DDX6: variants seen among roughly 807,000 people sequenced by gnomAD.
The protein encoded by DDX6 is probable ATP-dependent RNA helicase DDX6.
In DDX6, 7 loss-of-function variants were observed where a neutral mutation model predicts 60.6. The observed-to-expected ratio is 0.12, with a 90% confidence interval of 0.07 to 0.22. The LOEUF (loss-of-function observed/expected upper bound fraction) is 0.22, where lower values mean the gene tolerates loss of function less well. Ranked by LOEUF, DDX6 falls within the 10% of genes least tolerant of loss-of-function variation. The pLI is 1.00. For missense variants in DDX6, 270 were observed against 589.9 expected, an observed-to-expected ratio of 0.46 and a Z score of 5.62; for synonymous variants, 207 against 201.0, an observed-to-expected ratio of 1.03 and a Z score of -0.25.
rs1225434162 is a variant in DDX6 at position 118,748,565 on chromosome 11, CAAATT to C, written c.*3535_*3539del. 6 of 151,886 alleles carry C rather than the reference CAAATT, an allele frequency of 4.0e-5. No homozygotes were observed. Among genetic ancestry groups the C allele is most frequent in the Non-Finnish European group, 7.4e-5 (5 of 67,946 alleles). 9.4% of individuals were successfully genotyped at this position (151,886 alleles called of 1,614,324 possible). A position where few individuals can be genotyped will look rare whatever the true frequency, so the allele number is the denominator to read the frequency against. On this transcript the variant is annotated 3_prime_UTR_variant, in exon 14 of 14. Transcript: ENST00000534980. Reference sequence around the variant, plus strand: ...ATACCTAGAACATTGAAAAAAATAGCAAATTAAAATAAATGGCTTAATTTCCAAGA... The same window carrying C: ...ATACCTAGAACATTGAAAAAAATAGCAAAATAAATGGCTTAATTTCCAAGA...
intron 5 of DDX6, among the ~76,000 whole-genome samples, chr11:118,767,232 C>T (rs1429545898): frequency 6.6e-6 from 1 of 152,136 alleles, no homozygotes; most frequent in African/African-American, 2.4e-5. Context: ...GAGTTCGCAA[C>T]TATTAGCTCA....
At chr11:118,756,628 G>T (rs1173395276) in intron 10 of DDX6, among the ~76,000 whole-genome samples, 1 of 151,936 alleles carries the variant, frequency 6.6e-6, no homozygotes, top group Non-Finnish European at 1.5e-5. Context: ...AAACAGTAAA[G>T]AAAAAAAGAA....
chr11:118,769,003 A>AAAT (rs1861447154), intron 4 of DDX6, among the ~76,000 whole-genome samples: 1 of 149,450 alleles, frequency 6.7e-6, no homozygotes, highest in Non-Finnish European at 1.5e-5. Flanking sequence ...AAAAAAAAAA[A>AAAT]AAAAAAGGCT....
chr11:118,774,444 G>A (rs1189532008), intron 4 of DDX6, among the ~76,000 whole-genome samples: 2 of 148,922 alleles, frequency 1.3e-5, no homozygotes, highest in African/African-American at 4.9e-5. Flanking sequence ...ATAATTTTAA[G>A]TGCCTAATTC....
At chr11:118,790,643 G>T (rs1199092875) in intron 1 of DDX6, among the ~76,000 whole-genome samples, 4 of 151,852 alleles carry the variant, frequency 2.6e-5, no homozygotes, top group African/African-American at 9.7e-5. Context: ...AAGCTACTCC[G>T]AGTACTTAGC....
chr11:118,768,268 T>C lies in DDX6; in HGVS notation c.454A>G (p.Ile152Val), dbSNP rs1861422248. 3 of 1,613,698 alleles carry C rather than the reference T, an allele frequency of 1.9e-6. No individual in the cohort carries two copies. The highest frequency in any genetic ancestry group is 2.5e-6 in the Non-Finnish European group (3 of 1,179,750). The change falls in exon 5 of 14, where the codon ATT (isoleucine) becomes GTT (valine). Residue 152 changes from isoleucine to valine, a missense_variant. Ile to Val is a conservative substitution (Grantham distance 29, BLOSUM62 3). Transcript: ENST00000534980. Reference sequence around the variant, plus strand: ...AGGTCTAGCCGTTCAAGTAAGGGAATGAGGTAGGCACCGCTCTTGCCTGTT... The same window carrying C: ...AGGTCTAGCCGTTCAAGTAAGGGAACGAGGTAGGCACCGCTCTTGCCTGTT... ...NGTGKSGAYL[I>V]PLLERLDLKK...
At chr11:118,780,114 C>CCA (rs377392985) in intron 3 of DDX6, among the ~76,000 whole-genome samples, 1 of 40,284 alleles carries the variant, frequency 2.5e-5, no homozygotes, top group Non-Finnish European at 4.2e-5. Context: ...GACTCTATCT[C>CCA]AAAAAAAAAA....
chr11:118,772,274 G>A (rs1555162750), intron 4 of DDX6, among the ~76,000 whole-genome samples: 1 of 152,054 alleles, frequency 6.6e-6, no homozygotes, highest in African/African-American at 2.4e-5. Context: ...CTGATGACTG[G>A]ATAAATCAGA....
chr11:118,757,176 T>G lies in DDX6; in HGVS notation c.1105A>C (p.Arg369=). Reference sequence around the variant, plus strand: ...AGTTCTAGTTTTATACTCACCTGCCTCATTTTAGCATGAATATAGAAGCAA... The same window carrying G: ...AGTTCTAGTTTTATACTCACCTGCCGCATTTTAGCATGAATATAGAAGCAA... ...YSCFYIHAKM[R]QEHRNRVFHD... is the part of the protein sequence containing the mutation. Residue 369 remains arginine (R), a synonymous_variant, in exon 10 of 14, where the codon AGG becomes CGG. Transcript: ENST00000534980. The G allele has an allele frequency of 6.5e-7, 1 of 1,528,396 alleles. No individual in the cohort carries two copies. Among genetic ancestry groups the G allele is most frequent in the Non-Finnish European group, 8.8e-7 (1 of 1,133,588 alleles). The allele number at this position is 1,528,396 out of a possible 1,614,324, so 94.7% of individuals were successfully genotyped here.
chr11:118,760,279 C>A (rs1861120146), intron 7 of DDX6, among the ~76,000 whole-genome samples: 1 of 152,102 alleles, frequency 6.6e-6, no homozygotes, highest in Non-Finnish European at 1.5e-5. Context: ...AGACAACCTC[C>A]CCCGCTTTCT....
At position 118,786,449 on chromosome 11, in the gene DDX6, G is replaced by A. The variant is rs1347489758; in HGVS notation, c.-198C>T. 1.0e-5 allele frequency: 4 copies of A among 397,746 alleles called. No homozygotes were observed. Among genetic ancestry groups the A allele is most frequent in the African/African-American group, 2.1e-5 (1 of 48,776 alleles). The allele number at this position is 397,746 out of a possible 1,614,324, so 24.6% of individuals were successfully genotyped here. A position where few individuals can be genotyped will look rare whatever the true frequency, so the allele number is the denominator to read the frequency against. ...GCAGCAGTAACTTGCTCTCTTGCAC[G>A]GAATCAACTTTTTATTTTTAAAAAG... On this transcript the variant is annotated 5_prime_UTR_variant, in exon 2 of 14. Coordinates refer to ENST00000534980, the MANE Select transcript of DDX6 (RefSeq NM_004397.6).
rs1412884178 is a variant in DDX6, at chr11:118,751,330, T to G, written c.*775A>C. ...CCTTTGGGAGCGATGATGTTTTTTA[T>G]CTACTCAGCCCAGAAGAAATTTTTA... On this transcript the variant is annotated 3_prime_UTR_variant, in exon 14 of 14. Transcript: ENST00000534980. 6.6e-6 allele frequency: 1 copy of G among 151,998 alleles called. No individual in the cohort carries two copies. Among genetic ancestry groups the G allele is most frequent in the Non-Finnish European group, 1.5e-5 (1 of 68,010 alleles). The allele number at this position is 151,998 out of a possible 1,614,324, so 9.4% of individuals were successfully genotyped here. A position where few individuals can be genotyped will look rare whatever the true frequency, so the allele number is the denominator to read the frequency against.
chr11:118,789,918 CAAAAACA>C (rs1338998696), intron 1 of DDX6: 19 of 148,798 alleles, frequency 1.3e-4, no homozygotes, highest in East Asian at 3.9e-4. Context: ...TCTACATTTT[CAAAAACA>C]AAAAACAAAA....
chr11:118,772,389 A>C (rs1389401348), intron 4 of DDX6, among the ~76,000 whole-genome samples: 2 of 152,216 alleles, frequency 1.3e-5, no homozygotes. Context: ...AAGTCAAAGA[A>C]GCCAGTCACA....
At chr11:118,789,426 T>C (rs1477668350) in intron 1 of DDX6, 6 of 152,178 alleles carry the variant, frequency 3.9e-5, no homozygotes, top group Admixed American at 2.6e-4. Context: ...GAGTGCTGAT[T>C]CTTTCTGCCA....
At chr11:118,753,074 G>C (rs1010039330) in intron 13 of DDX6, among the ~76,000 whole-genome samples, 16 of 152,304 alleles carry the variant, frequency 1.1e-4, no homozygotes, top group African/African-American at 3.4e-4. Context: ...TATCGCCCAG[G>C]CTCGAGTGCA....
rs1203794595 is a variant in DDX6 at position 118,750,797 on chromosome 11, A to G, written c.*1308T>C. The G allele has an allele frequency of 2.0e-5, 3 of 152,206 alleles. No individual in the cohort carries two copies. Among genetic ancestry groups the G allele is most frequent in the East Asian group, 1.9e-4 (1 of 5,190 alleles). The allele number at this position is 152,206 out of a possible 1,614,324, so 9.4% of individuals were successfully genotyped here. On this transcript the variant is annotated 3_prime_UTR_variant, in exon 14 of 14. Coordinates refer to ENST00000534980, the MANE Select transcript of DDX6 (RefSeq NM_004397.6). ...TCTCAAAATAAATGTTGAATTATCA[A>G]TGTTTTGAAGCTTCCTTGCTCTCTC...
chr11:118,784,782 G>A (rs1862019266), intron 2 of DDX6, among the ~76,000 whole-genome samples: 1 of 146,140 alleles, frequency 6.8e-6, no homozygotes, highest in African/African-American at 2.5e-5. Context: ...ATGGAGTTTC[G>A]CTCTTGTTGC....
chr11:118,775,906 G>C (rs1363936289), intron 4 of DDX6, among the ~76,000 whole-genome samples: 2 of 152,178 alleles, frequency 1.3e-5, no homozygotes, highest in African/African-American at 2.4e-5. Context: ...CAAGGCAGGA[G>C]GACTGCTTGA....
Sources: gnomAD v4.1 joint callset for allele counts (sites outside exome capture counted in the v4.1 genomes callset) on GRCh38, gnomAD v4.1.1 for gene constraint, MANE v1.5 for transcripts, NCBI Gene and HGNC (gene_info 2026-07-23, HGNC 2026-07-21) for gene names.